The following SBF2 variants were observed in gnomAD, a reference collection of about 807,000 sequenced individuals.
The protein encoded by SBF2 is myotubularin-related protein 13.
Under a neutral mutation model 225.2 loss-of-function variants are expected in SBF2, and 112 were observed. That is an observed-to-expected ratio of 0.50 (90% CI 0.43 to 0.58). The LOEUF (loss-of-function observed/expected upper bound fraction) is 0.58. Ranked by LOEUF, SBF2 falls within the 20% of genes least tolerant of loss-of-function variation. The probability of loss-of-function intolerance (pLI) is 0.00; values close to 1 mark genes in which losing one functional copy is unlikely to be tolerated. For missense variants in SBF2, 1,996 were observed against 2,206.2 expected (o/e 0.90, Z 1.91); for synonymous variants, 763 against 773.3 (o/e 0.99, Z 0.22).
chr11:9,997,796 T>C (rs1419131140), intron 9 of SBF2, among the ~76,000 whole-genome samples: 2 of 152,144 alleles, frequency 1.3e-5, no homozygotes. Context: ...AGAATGAATT[T>C]TGGACACTTT....
chr11:10,252,755 A>G (rs1960485683), intron 1 of SBF2, among the ~76,000 whole-genome samples: 1 of 151,118 alleles, frequency 6.6e-6, no homozygotes, highest in African/African-American at 2.4e-5. Context: ...GCTTGCAGCG[A>G]GCTTGCAGCG....
chr11:10,217,660 C>G (rs530256585), intron 1 of SBF2, among the ~76,000 whole-genome samples: 1 of 152,246 alleles, frequency 6.6e-6, no homozygotes, highest in South Asian at 2.1e-4. Context: ...AACTGTGCTG[C>G]TACTTCCTCA....
intron 2 of SBF2, among the ~76,000 whole-genome samples, chr11:10,184,333 G>A (rs1956850313): frequency 6.6e-6 from 1 of 152,108 alleles, no homozygotes; most frequent in African/African-American, 2.4e-5. Flanking sequence ...GGTAGTATAA[G>A]TCTTCCAAAC....
chr11:10,232,008 C>T (rs536373312), intron 1 of SBF2, among the ~76,000 whole-genome samples: 15 of 152,342 alleles, frequency 9.8e-5, no homozygotes, highest in South Asian at 2.1e-4. Flanking sequence ...TTGGCAATGG[C>T]GGACGCCCCT....
intron 2 of SBF2, among the ~76,000 whole-genome samples, chr11:10,080,455 C>G (rs1951323180): frequency 6.6e-6 from 1 of 151,430 alleles, no homozygotes; most frequent in African/African-American, 2.4e-5. Context: ...AAGTATAAAA[C>G]TCACAGGTCT....
At chr11:10,129,500 A>C (rs2135089035) in intron 2 of SBF2, among the ~76,000 whole-genome samples, 1 of 152,296 alleles carries the variant, frequency 6.6e-6, no homozygotes, top group East Asian at 1.9e-4. Flanking sequence ...AATAAATTAT[A>C]AGTAAGGCAG....
At chr11:9,996,347 T>G (rs915011920) in intron 9 of SBF2, among the ~76,000 whole-genome samples, 1 of 152,218 alleles carries the variant, frequency 6.6e-6, no homozygotes, top group African/African-American at 2.4e-5. Context: ...ATGTAGTTAA[T>G]ATTTTTCTTT....
At position 9,974,960 on chromosome 11, in the gene SBF2, C is replaced by CAAAAAA. The variant is rs1166081188; in HGVS notation, c.1396-6421_1396-6416dup. 8.7e-3 allele frequency among the ~76,000 whole-genome samples: 202 copies of CAAAAAA among 23,184 alleles called. 28 individuals are homozygous for CAAAAAA. The highest frequency in any genetic ancestry group is 0.056 in the Middle Eastern group (1 of 18). 15.2% of individuals were successfully genotyped at this position (23,184 alleles called of 152,430 possible). ...GGGCAACAACAGCGAAACTTTGACT[C>CAAAAAA]AAAAAAAAAAAAAAAAAAAAAAAAA... On this transcript the variant is annotated intron_variant, in intron 13 of 39. Transcript: ENST00000256190.
In SBF2 at chr11:9,780,432, T is replaced by C; in HGVS notation, c.5536A>G (p.Ile1846Val). ...GACCATGGGCATCAGGCATCAGAGA[T>C]ACAACTCTGGATCTTGTCCATCCAT... Reference protein sequence around the residue: ...QQWMDKIQSCISDA With the variant: ...QQWMDKIQSCVSDA Residue 1846 changes from isoleucine to valine, a missense_variant, in exon 40 of 40, where the codon ATC becomes GTC. Transcript: ENST00000256190. 1.2e-6 allele frequency: 2 copies of C among 1,614,028 alleles called. No homozygotes were observed. Among genetic ancestry groups the C allele is most frequent in the Non-Finnish European group, 1.7e-6 (2 of 1,179,888 alleles).
intron 39 of SBF2, 134 bp from the exon 40 acceptor site, chr11:9,780,650 C>T (rs1307348597): frequency 1.4e-6 from 1 of 737,428 alleles, no homozygotes; most frequent in East Asian, 2.7e-5. Flanking sequence ...TTTTCTTCCT[C>T]AACTACCATA....
At chr11:9,983,817 C>T (rs746297195) in intron 13 of SBF2, among the ~76,000 whole-genome samples, 6 of 152,140 alleles carry the variant, frequency 3.9e-5, no homozygotes, top group Non-Finnish European at 7.4e-5. Context: ...TGGCTAGATC[C>T]AGGAGAGACA....
At chr11:9,787,088 G>A (rs1430952343) in intron 36 of SBF2, among the ~76,000 whole-genome samples, 2 of 152,120 alleles carry the variant, frequency 1.3e-5, no homozygotes, top group Non-Finnish European at 2.9e-5. Context: ...TAGAGACGGG[G>A]TTTCACCATG....
At chr11:9,920,025 C>A (rs1357701064) in intron 16 of SBF2, among the ~76,000 whole-genome samples, 1 of 152,024 alleles carries the variant, frequency 6.6e-6, no homozygotes, top group Admixed American at 6.5e-5. Context: ...AGCCACCATG[C>A]CCGGCCTCTT....
chr11:10,229,264 C>A (rs1368126960), intron 1 of SBF2, among the ~76,000 whole-genome samples: 1 of 152,086 alleles, frequency 6.6e-6, no homozygotes, highest in African/African-American at 2.4e-5. Flanking sequence ...TTTCAAAAAA[C>A]CAGCTCCTGG....
intron 2 of SBF2, among the ~76,000 whole-genome samples, chr11:10,094,549 GAC>G (rs1335999009): frequency 2.2e-5 from 1 of 44,862 alleles, no homozygotes; most frequent in Non-Finnish European, 5.6e-5. Context: ...TTTTTTTTGA[GAC>G]AGAGTTTCAC....
intron 22 of SBF2, among the ~76,000 whole-genome samples, chr11:9,847,553 G>T (rs1281108519): frequency 6.7e-6 from 1 of 149,110 alleles, no homozygotes; most frequent in Admixed American, 6.7e-5. Context: ...GTATTGAAAA[G>T]ACATCCAAGA....
intron 28 of SBF2, among the ~76,000 whole-genome samples, chr11:9,823,159 GTA>G (rs1299377157): frequency 6.6e-6 from 1 of 152,190 alleles, no homozygotes; most frequent in African/African-American, 2.4e-5. Context: ...CAAGTTGTAA[GTA>G]TATGTGTTTC....
At chr11:9,828,216 C>T (rs1855178686) in intron 28 of SBF2, 3 of 1,289,416 alleles carry the variant, frequency 2.3e-6, no homozygotes, top group Middle Eastern at 4.3e-4. Flanking sequence ...GTCCTCCTTT[C>T]AGTCCCTAAA....
At chr11:9,876,849 C>G in intron 17 of SBF2, among the ~76,000 whole-genome samples, 1 of 152,128 alleles carries the variant, frequency 6.6e-6, no homozygotes, top group East Asian at 1.9e-4. Flanking sequence ...AACAATTCTC[C>G]TGCCTCAGCC....
Sources: gnomAD v4.1 joint callset for allele counts (sites outside exome capture counted in the v4.1 genomes callset) on GRCh38, gnomAD v4.1.1 for gene constraint, MANE v1.5 for transcripts, NCBI Gene and HGNC (gene_info 2026-07-23, HGNC 2026-07-21) for gene names.